The following NAV3 variants were observed in gnomAD, a reference collection of about 807,000 sequenced individuals.
NAV3 encodes pore membrane and/or filament interacting like protein 1.
A neutral mutation model predicts 244.7 loss-of-function variants in NAV3; 87 were observed. The ratio of observed to expected loss-of-function variants is 0.36; its 90% CI spans 0.30 to 0.42. The LOEUF (loss-of-function observed/expected upper bound fraction) is 0.42. NAV3 is among the 20% of genes least tolerant of loss of function. NAV3 has a pLI of 1.00. For missense variants in NAV3, 2,663 were observed against 2,893.3 expected (o/e 0.92, Z 1.83); for synonymous variants, 1,126 against 1,042.2 (o/e 1.08, Z -1.55).
intron 3 of NAV3, among the ~76,000 whole-genome samples, chr12:77,942,308 G>T (rs73344760): frequency 0.019 from 2,895 of 152,066 alleles, 33 homozygotes; most frequent in African/African-American, 0.032. Context: ...GGAGGCGGAG[G>T]TTATGGTGAG....
intron 2 of NAV3, among the ~76,000 whole-genome samples, chr12:77,608,541 A>T (rs1320909675): frequency 6.6e-6 from 1 of 152,148 alleles, no homozygotes; most frequent in African/African-American, 2.4e-5. Context: ...TAAGAGAATG[A>T]GAATCTTCTG....
intron 1 of NAV3, among the ~76,000 whole-genome samples, chr12:77,875,599 A>G (rs774404695): frequency 3.3e-5 from 5 of 152,092 alleles, no homozygotes; most frequent in Admixed American, 1.3e-4. Context: ...GTATGAATAC[A>G]TTGAGTCAAG....
At chr12:77,688,859 G>T (rs540505709) in intron 2 of NAV3, among the ~76,000 whole-genome samples, 1 of 151,834 alleles carries the variant, frequency 6.6e-6, no homozygotes, top group South Asian at 2.1e-4. Context: ...ACAGTGTGCC[G>T]CATGATTTAT....
At chr12:77,791,101 G>A (rs1592685929) in intron 2 of NAV3, among the ~76,000 whole-genome samples, 1 of 152,022 alleles carries the variant, frequency 6.6e-6, no homozygotes, top group Admixed American at 6.6e-5. Context: ...CATGCCTGTA[G>A]TCCCAGCACT....
intron 2 of NAV3, among the ~76,000 whole-genome samples, chr12:77,689,174 G>C (rs1396158677): frequency 6.6e-6 from 1 of 151,890 alleles, no homozygotes; most frequent in Non-Finnish European, 1.5e-5. Context: ...ATTTCCTGCT[G>C]AAATTGCCTC....
chr12:78,164,445 T>C (rs899737466), intron 23 of NAV3, among the ~76,000 whole-genome samples: 2 of 152,010 alleles, frequency 1.3e-5, no homozygotes, highest in East Asian at 1.9e-4. Flanking sequence ...TCTTTGAAAA[T>C]AGATAATGCT....
At chr12:77,685,457 C>T (rs1223219482) in intron 2 of NAV3, among the ~76,000 whole-genome samples, 5 of 130,866 alleles carry the variant, frequency 3.8e-5, no homozygotes, top group African/African-American at 1.6e-4. Flanking sequence ...TTAAGATACT[C>T]CCAACGCATA....
intron 2 of NAV3, among the ~76,000 whole-genome samples, chr12:77,801,261 A>G (rs1363988288): frequency 6.6e-6 from 1 of 152,126 alleles, no homozygotes; most frequent in Non-Finnish European, 1.5e-5. Flanking sequence ...TTCTATTTAC[A>G]TTATTCCACA....
Position 78,122,559 on chromosome 12 carries a change from C to T in NAV3, c.4238+131C>T, listed in dbSNP as rs374004759. 17 of 1,137,898 alleles carry T rather than the reference C, an allele frequency of 1.5e-5. No individual in the cohort carries two copies. The Admixed American group carries it at 3.5e-4, about 23-fold the overall frequency. 70.5% of individuals were successfully genotyped at this position (1,137,898 alleles called of 1,614,324 possible). A position where few individuals can be genotyped will look rare whatever the true frequency, so the allele number is the denominator to read the frequency against. On this transcript the variant is annotated intron_variant, in intron 16 of 39. Transcript: ENST00000397909. The stretch of plus-strand genomic sequence containing the variant: ...CAAAAAGATGTAAGACTGATGAAAC[C>T]GGGCCTTTCATTTGCTCTCATTACC...
intron 2 of NAV3, among the ~76,000 whole-genome samples, chr12:77,662,545 A>G (rs1258620081): frequency 1.3e-5 from 2 of 152,134 alleles, no homozygotes; most frequent in African/African-American, 2.4e-5. Flanking sequence ...AACAGACTAT[A>G]TGCTACTGGG....
At chr12:77,746,551 T>A (rs1225587364) in intron 2 of NAV3, among the ~76,000 whole-genome samples, 2 of 152,270 alleles carry the variant, frequency 1.3e-5, no homozygotes, top group South Asian at 4.1e-4. Context: ...ATGAGAATTA[T>A]GTAGAAATTA....
chr12:78,123,334 GT>G (rs1428281224), intron 16 of NAV3, among the ~76,000 whole-genome samples: 40 of 133,798 alleles, frequency 3.0e-4, no homozygotes, highest in African/African-American at 1.0e-3. Context: ...GTCTTCCCCT[GT>G]TTTTTTTATT....
chr12:77,604,265 T>C (rs1290141740), intron 2 of NAV3, among the ~76,000 whole-genome samples: 2 of 151,998 alleles, frequency 1.3e-5, no homozygotes, highest in Non-Finnish European at 2.9e-5. Flanking sequence ...TACTTTTTTT[T>C]CTAGGGTGAA....
chr12:77,925,176 T>C (rs1888073817), intron 1 of NAV3, among the ~76,000 whole-genome samples: 2 of 152,188 alleles, frequency 1.3e-5, no homozygotes, highest in Non-Finnish European at 2.9e-5. Context: ...TTACTTTTTG[T>C]GTCTTGCATG....
rs199567502 is a variant in NAV3, at chr12:78,185,574, G to A, written c.5693-27G>A. 20 of 1,574,158 alleles carry A rather than the reference G, an allele frequency of 1.3e-5. 1 individual carries two copies. In the East Asian group the frequency reaches 3.8e-4, roughly 30 times the overall value. ...ATCTGAGCTAATGTTATACTGTTGT[G>A]TATGTCTTTCTTTTAAAATTTGATA... On this transcript the variant is annotated intron_variant, in intron 30 of 39. Coordinates refer to ENST00000397909, the MANE Select transcript of NAV3 (RefSeq NM_001024383.2).
chr12:78,166,161 C>A (rs1050634669), intron 23 of NAV3, among the ~76,000 whole-genome samples: 1 of 151,800 alleles, frequency 6.6e-6, no homozygotes, highest in Non-Finnish European at 1.5e-5. Context: ...AGCACATTTT[C>A]ACTTTTTTTC....
At position 77,604,574 on chromosome 12, in the gene NAV3, T is replaced by C. The variant is rs531102676; in HGVS notation, c.72+32308T>C. Among the ~76,000 whole-genome samples the C allele has an allele frequency of 3.4e-4, 51 of 151,744 alleles. 1 individual carries two copies. Among genetic ancestry groups the C allele is most frequent in the African/African-American group, 1.2e-3 (49 of 41,440 alleles). ...ATTAAATCTTATGTAGTTTTTTTTT[T>C]GGGAGGGTGCATTTGGGAAAAAATA... is the stretch of plus-strand genomic sequence containing the variant. On this transcript the variant is annotated intron_variant, in intron 2 of 8. Coordinates refer to the NAV3 transcript ENST00000550042.
At chr12:77,642,800 T>C (rs1872470501) in intron 2 of NAV3, among the ~76,000 whole-genome samples, 1 of 152,114 alleles carries the variant, frequency 6.6e-6, no homozygotes, top group Admixed American at 6.6e-5. Context: ...TATATCTTAT[T>C]AATACTTCAT....
At chr12:77,593,015 T>C (rs1326669258) in intron 2 of NAV3, among the ~76,000 whole-genome samples, 1 of 152,098 alleles carries the variant, frequency 6.6e-6, no homozygotes, top group African/African-American at 2.4e-5. Context: ...AGCTTCTAAA[T>C]GGCATGAGTC....
Sources: allele counts gnomAD v4.1 joint callset (sites outside exome capture counted in the v4.1 genomes callset), GRCh38; gene constraint gnomAD v4.1.1; transcripts MANE v1.5; gene names NCBI Gene and HGNC (gene_info 2026-07-23, HGNC 2026-07-21).